Variants in MID1 observed in about 807,000 individuals in gnomAD.
MID1 encodes the protein midline 1.
Under a neutral mutation model 40.4 loss-of-function variants are expected in MID1, and 7 were observed. That is an observed-to-expected ratio of 0.17 (90% CI 0.10 to 0.33). The LOEUF is 0.33. Ranked by LOEUF, MID1 falls within the 10% of genes least tolerant of loss-of-function variation. The pLI is 1.00. For synonymous variants in MID1, 229 were observed against 221.2 expected (o/e 1.04, Z -0.31); for missense variants, 367 against 558.5 (o/e 0.66, Z 3.46).
intron 1 of MID1, among the ~76,000 whole-genome samples, chrX:10,697,845 C>T (rs2043171016): frequency 9.0e-6 from 1 of 111,579 alleles, no homozygotes; most frequent in Admixed American, 9.5e-5. Flanking sequence ...CATCCCTAGC[C>T]TCTACCCACC....
At chrX:10,572,936 C>T (rs1934777203) in intron 1 of MID1, among the ~76,000 whole-genome samples, 1 of 111,803 alleles carries the variant, frequency 8.9e-6, no homozygotes, top group African/African-American at 3.3e-5. Context: ...TCCTGCAGTT[C>T]TGCTACTTAT....
chrX:10,458,783 T>C (rs1180185041), intron 8 of MID1, among the ~76,000 whole-genome samples: 1 of 111,355 alleles, frequency 9.0e-6, no homozygotes, highest in Non-Finnish European at 1.9e-5. Context: ...AACAAGGATA[T>C]AGGTTAAATG....
At chrX:10,677,809 A>AC (rs2043032860) in intron 1 of MID1, 1 of 108,561 alleles carries the variant, frequency 9.2e-6, no homozygotes, top group East Asian at 2.9e-4. Context: ...TTCTGGCCGC[A>AC]CCCCCCACCC....
intron 1 of MID1, among the ~76,000 whole-genome samples, chrX:10,639,977 T>C (rs1260823700): frequency 9.0e-6 from 1 of 111,675 alleles, no homozygotes; most frequent in African/African-American, 3.3e-5. Flanking sequence ...AGAGATTTTG[T>C]CACCACCAGG....
At chrX:10,500,261 A>G (rs997254800) in intron 3 of MID1, among the ~76,000 whole-genome samples, 2 of 112,065 alleles carry the variant, frequency 1.8e-5, no homozygotes, top group African/African-American at 6.5e-5. Context: ...GTGGGCTGAA[A>G]TCTTCCTTGT....
intron 1 of MID1, among the ~76,000 whole-genome samples, chrX:10,666,470 G>A (rs985725581): frequency 9.3e-6 from 1 of 107,151 alleles, no homozygotes; most frequent in Non-Finnish European, 1.9e-5. Flanking sequence ...CACACCAAAT[G>A]AGTTTTTTGA....
chrX:10,740,250 C>T (rs770303183), intron 1 of MID1, among the ~76,000 whole-genome samples: 2 of 113,021 alleles, frequency 1.8e-5, no homozygotes, highest in Non-Finnish European at 1.9e-5. Flanking sequence ...TCAGACTCTA[C>T]ATATGACTTG....
At chrX:10,669,230 TAAAAA>T (rs761817483) in intron 1 of MID1, among the ~76,000 whole-genome samples, 48 of 47,010 alleles carry the variant, frequency 1.0e-3, no homozygotes, top group African/African-American at 3.3e-3. Flanking sequence ...CGTCTCAAAA[TAAAAA>T]AAAAAAAAAA....
At chrX:10,821,594 C>T (rs1231479702) in intron 1 of MID1, among the ~76,000 whole-genome samples, 1 of 112,030 alleles carries the variant, frequency 8.9e-6, no homozygotes, top group Non-Finnish European at 1.9e-5. Flanking sequence ...GCTGTTTGCT[C>T]CTCCTTTCGT....
chrX:10,788,220 T>C (rs1456042560), intron 1 of MID1, among the ~76,000 whole-genome samples: 1 of 111,918 alleles, frequency 8.9e-6, no homozygotes, highest in Non-Finnish European at 1.9e-5. Flanking sequence ...TTAAATTATG[T>C]ATAAAATAGT....
chrX:10,619,508 G>A (rs1208589952), intron 1 of MID1, among the ~76,000 whole-genome samples: 1 of 112,561 alleles, frequency 8.9e-6, no homozygotes, highest in African/African-American at 3.2e-5. Flanking sequence ...TGATTGAGTT[G>A]TAAATCACAC....
intron 1 of MID1, among the ~76,000 whole-genome samples, chrX:10,704,911 G>A (rs1038258641): frequency 9.3e-5 from 10 of 107,999 alleles, no homozygotes; most frequent in East Asian, 2.9e-4. Context: ...TCACAGGCAC[G>A]TGCCACCACG....
At chrX:10,475,480 G>A (rs1191246797) in intron 5 of MID1, among the ~76,000 whole-genome samples, 1 of 111,952 alleles carries the variant, frequency 8.9e-6, no homozygotes, top group African/African-American at 3.3e-5. Flanking sequence ...AGGCACTGGT[G>A]TGTCTCAATC....
intron 6 of MID1, among the ~76,000 whole-genome samples, chrX:10,473,472 G>GT (rs1420328906): frequency 8.9e-6 from 1 of 112,032 alleles, no homozygotes; most frequent in Middle Eastern, 4.2e-3. Flanking sequence ...GGCACATTGG[G>GT]TCCTCGCAAA....
chrX:10,496,029 A>C (rs1314163454), intron 3 of MID1, among the ~76,000 whole-genome samples: 1 of 111,779 alleles, frequency 8.9e-6, no homozygotes, highest in Non-Finnish European at 1.9e-5. Context: ...TTATATTTTT[A>C]AAAAGTATCA....
intron 2 of MID1, among the ~76,000 whole-genome samples, chrX:10,555,884 G>A (rs1047275105): frequency 2.7e-5 from 3 of 111,035 alleles, no homozygotes; most frequent in Admixed American, 9.6e-5. Flanking sequence ...ACAGAAGAGA[G>A]CACAGAGAAC....
chrX:10,460,657 T>C (rs1431510622), intron 7 of MID1, among the ~76,000 whole-genome samples: 2 of 110,875 alleles, frequency 1.8e-5, no homozygotes, highest in Non-Finnish European at 3.8e-5. Flanking sequence ...TTTCCTTCAC[T>C]GATCCCTGGG....
chrX:10,808,898 A>G, intron 1 of MID1, among the ~76,000 whole-genome samples: 1 of 112,173 alleles, frequency 8.9e-6, no homozygotes, highest in Non-Finnish European at 1.9e-5. Flanking sequence ...CACCAAAAGC[A>G]ATGGCAACAA....
intron 2 of MID1, among the ~76,000 whole-genome samples, chrX:10,547,608 G>GGAGGGAGGGAGAGAGA (rs1933741355): frequency 1.1e-5 from 1 of 91,160 alleles, no homozygotes; most frequent in African/African-American, 4.1e-5. Flanking sequence ...AGGAAAGAAG[G>GGAGGGAGGGAGAGAGA]GAGGGTAAAG....
Sources: allele counts gnomAD v4.1 joint callset (sites outside exome capture counted in the v4.1 genomes callset), GRCh38; gene constraint gnomAD v4.1.1; transcripts MANE v1.5; gene names NCBI Gene and HGNC (gene_info 2026-07-23, HGNC 2026-07-21).